Variants in FAM3D observed in about 807,000 individuals in gnomAD.
FAM3D encodes FAM3 metabolism regulating signaling molecule D.
A neutral mutation model predicts 29.8 loss-of-function variants in FAM3D; 26 were observed. That is an observed-to-expected ratio of 0.87 (90% CI 0.64 to 1.21). The LOEUF is 1.21. FAM3D is among the 50% of genes most tolerant of loss of function. FAM3D has a pLI of 0.00. For synonymous variants in FAM3D, 115 were observed against 102.3 expected (o/e 1.12, Z -0.75); for missense variants, 253 against 290.9 (o/e 0.87, Z 0.95).
chr3:58,657,617 A>C (rs1269786752), intron 1 of FAM3D: 1 of 152,434 alleles, frequency 6.6e-6, no homozygotes, highest in Non-Finnish European at 1.5e-5. Context: ...GCCAGGGGTC[A>C]GTCCCCATTG....
At chr3:58,660,603 C>T (rs2066911063) in intron 1 of FAM3D, among the ~76,000 whole-genome samples, 1 of 152,082 alleles carries the variant, frequency 6.6e-6, no homozygotes, top group South Asian at 2.1e-4. Flanking sequence ...CCCATTATGC[C>T]CTGTTTTAAT....
intron 3 of FAM3D, chr3:58,649,547 ACG>A (rs1300186872): frequency 6.6e-6 from 4 of 605,072 alleles, no homozygotes; most frequent in Non-Finnish European, 6.0e-6. Context: ...GTGTACACAC[ACG>A]CACACACATA....
chr3:58,666,204 T>A (rs2106980197), intron 1 of FAM3D, among the ~76,000 whole-genome samples: 1 of 152,284 alleles, frequency 6.6e-6, no homozygotes, highest in African/African-American at 2.4e-5. Context: ...CCCCTGTGGT[T>A]AAGGAAAAAA....
At chr3:58,653,270 G>A (rs986966605) in intron 3 of FAM3D, among the ~76,000 whole-genome samples, 3 of 152,206 alleles carry the variant, frequency 2.0e-5, no homozygotes, top group African/African-American at 4.8e-5. Flanking sequence ...GAGGGCAGGT[G>A]GGGGGGATCT....
chr3:58,645,488 AGTTG>A lies in FAM3D; in HGVS notation c.263+17_263+20del. On this transcript the variant is annotated intron_variant, in intron 5 of 9. Coordinates refer to ENST00000358781, the MANE Select transcript of FAM3D (RefSeq NM_138805.3). ...AAATAAAATAAAATAAAATAAACAT[AGTTG>A]TGTCTTAGGTACTTACATGCGGTCT... is the stretch of plus-strand genomic sequence containing the variant. The A allele has an allele frequency of 6.6e-7, 1 of 1,519,800 alleles. No individual in the cohort carries two copies. The highest frequency in any genetic ancestry group is 8.9e-7 in the Non-Finnish European group (1 of 1,119,572). The allele number at this position is 1,519,800 out of a possible 1,614,324, so 94.1% of individuals were successfully genotyped here.
At chr3:58,650,642 C>T (rs1026724581) in intron 3 of FAM3D, among the ~76,000 whole-genome samples, 2 of 152,154 alleles carry the variant, frequency 1.3e-5, no homozygotes, top group Non-Finnish European at 2.9e-5. Flanking sequence ...CCACAAGATG[C>T]CCATAGTGGA....
chr3:58,643,233 C>A (rs1463649209), intron 6 of FAM3D, among the ~76,000 whole-genome samples: 1 of 152,218 alleles, frequency 6.6e-6, no homozygotes, highest in Non-Finnish European at 1.5e-5. Flanking sequence ...CTTGGCTGAC[C>A]CCCAGTGTCC....
chr3:58,653,372 C>T (rs564733423), intron 3 of FAM3D, among the ~76,000 whole-genome samples: 2 of 152,318 alleles, frequency 1.3e-5, no homozygotes, highest in South Asian at 4.1e-4. Flanking sequence ...ACCTCCCTTC[C>T]TTCTGTTCTT....
At chr3:58,654,383 T>C (rs931828445) in intron 2 of FAM3D, among the ~76,000 whole-genome samples, 1 of 152,100 alleles carries the variant, frequency 6.6e-6, no homozygotes, top group African/African-American at 2.4e-5. Flanking sequence ...CCCCCCACAG[T>C]TTCCATCAAT....
chr3:58,634,357 G>A lies in FAM3D; in HGVS notation c.597C>T (p.Asn199=), dbSNP rs750321357. 2 of 1,613,894 alleles carry A rather than the reference G, an allele frequency of 1.2e-6. No individual in the cohort carries two copies. Among genetic ancestry groups the A allele is most frequent in the South Asian group, 1.1e-5 (1 of 91,076 alleles). The part of the protein sequence containing the change: ...GKSPFEQFLK[N]SPDTNKYEGW... ...CCTCGTATTTGTTTGTGTCTGGGCT[G>A]TTCTTTAAGAACTAGAGAGAGAGAA... is the stretch of plus-strand genomic sequence containing the variant. Residue 199 remains asparagine (N), a synonymous_variant, in exon 10 of 10, where the codon AAC becomes AAT. Transcript: ENST00000358781. This position sits in a 1 kb window ranked among gnomAD's most constrained non-coding sequence, Gnocchi z 4.6.
intron 3 of FAM3D, among the ~76,000 whole-genome samples, chr3:58,651,656 G>A (rs1046065123): frequency 6.6e-6 from 1 of 152,170 alleles, no homozygotes; most frequent in African/African-American, 2.4e-5. Flanking sequence ...AGTACTGAGA[G>A]AGAAATAATT....
intron 1 of FAM3D, among the ~76,000 whole-genome samples, chr3:58,665,523 T>C (rs891376264): frequency 2.6e-5 from 4 of 152,220 alleles, no homozygotes; most frequent in Non-Finnish European, 5.9e-5. Context: ...GAACCATGTA[T>C]GATACCTCAT....
intron 1 of FAM3D, among the ~76,000 whole-genome samples, chr3:58,663,061 G>T (rs532471397): frequency 6.6e-6 from 1 of 152,210 alleles, no homozygotes; most frequent in Non-Finnish European, 1.5e-5. Context: ...CCCATGCCCA[G>T]CTAATTATTG....
intron 2 of FAM3D, among the ~76,000 whole-genome samples, chr3:58,654,582 C>T (rs953113725): frequency 1.3e-5 from 2 of 152,202 alleles, no homozygotes; most frequent in African/African-American, 2.4e-5. Flanking sequence ...GGAAAGCAGG[C>T]TCCATTTCAC....
chr3:58,643,763 T>C, intron 5 of FAM3D, 43 bp from the exon 6 acceptor site: 4 of 1,586,584 alleles, frequency 2.5e-6, no homozygotes, highest in Non-Finnish European at 3.5e-6. Flanking sequence ...GTCCCGAGTG[T>C]GGAATGAACA....
chr3:58,636,625 AG>A (rs1245072863), intron 8 of FAM3D, among the ~76,000 whole-genome samples: 1 of 152,208 alleles, frequency 6.6e-6, no homozygotes, highest in East Asian at 1.9e-4. Flanking sequence ...ATGGGGCTGG[AG>A]ATGTGTTAAA....
chr3:58,664,022 C>A (rs933792001), intron 1 of FAM3D, among the ~76,000 whole-genome samples: 1 of 152,160 alleles, frequency 6.6e-6, no homozygotes, highest in Admixed American at 6.6e-5. Context: ...GTGTGCATGT[C>A]GGAGGGAGAG....
In FAM3D at chr3:58,655,544, A is replaced by AG. The variant is rs1289332674; in HGVS notation, c.13+6dup. ...AAAATGACTCCAAAACCAATTTCAG[A>AG]GCCTACCTGACACTCTCATCCTGTC... On this transcript the variant is annotated splice_region_variant and intron_variant, in intron 2 of 9. Coordinates refer to ENST00000358781, the MANE Select transcript of FAM3D (RefSeq NM_138805.3). The AG allele has an allele frequency of 2.5e-6, 4 of 1,613,482 alleles. No individual in the cohort carries two copies. Among genetic ancestry groups the AG allele is most frequent in the Non-Finnish European group, 3.4e-6 (4 of 1,179,690 alleles).
chr3:58,664,229 T>C (rs12493106), intron 1 of FAM3D, among the ~76,000 whole-genome samples: 121,579 of 152,178 alleles, frequency 0.8, 49,942 homozygotes, highest in Non-Finnish European at 0.9. Flanking sequence ...GTACAGTACT[T>C]GGCACCATTC....
Sources: gnomAD v4.1 joint callset for allele counts (sites outside exome capture counted in the v4.1 genomes callset) on GRCh38, gnomAD v4.1.1 for gene constraint, Gnocchi (gnomAD v3.1) non-coding constraint, MANE v1.5 for transcripts, NCBI Gene and HGNC (gene_info 2026-07-23, HGNC 2026-07-21) for gene names.